PNPLA5: variants seen among roughly 807,000 people sequenced by gnomAD.
PNPLA5 encodes patatin-like phospholipase domain-containing protein 5.
PNPLA5 carries 44 observed loss-of-function variants against 49.1 expected under a neutral mutation model. That is an observed-to-expected ratio of 0.90 (90% CI 0.70 to 1.15). The LOEUF is 1.15. Among genes scored for constraint, PNPLA5 ranks in the 50% most tolerant of loss-of-function variants. PNPLA5 has a pLI of 0.00. For synonymous variants in PNPLA5, 243 were observed against 244.4 expected (o/e 0.99, Z 0.06); for missense variants, 603 against 564.0 (o/e 1.07, Z -0.70).
chr22:43,881,160 G>T (rs555236195), intron 8 of PNPLA5, among the ~76,000 whole-genome samples: 2 of 152,210 alleles, frequency 1.3e-5, no homozygotes, highest in Admixed American at 1.3e-4. Flanking sequence ...AGTCTGGAGG[G>T]CTGGTCAGAG....
Position 43,889,558 on chromosome 22 carries a change from G to T in PNPLA5, c.493-20C>A. 6.3e-7 allele frequency: 1 copy of T among 1,585,050 alleles called. No individual in the cohort carries two copies. The highest frequency in any genetic ancestry group is 8.6e-7 in the Non-Finnish European group (1 of 1,163,804). On this transcript the variant is annotated intron_variant, in intron 3 of 8. Coordinates refer to ENST00000216177, the MANE Select transcript of PNPLA5 (RefSeq NM_138814.4). ...GTAGCGCTGCAATTTGTGGGGAGCA[G>T]GTGGGTGGTGCTGCCCTCTCAGAGG...
chr22:43,880,307 T>A lies in PNPLA5; in HGVS notation c.*488A>T, dbSNP rs2049594802. ...TGATAGGAATTCAGAAGTCAAGGTT[T>A]CCTGAGTGGGGTAGATGCCGGGGGT... On this transcript the variant is annotated 3_prime_UTR_variant, in exon 9 of 9. Transcript: ENST00000216177. The A allele has an allele frequency of 2.5e-6, 1 of 398,008 alleles. No homozygotes were observed. Among genetic ancestry groups the A allele is most frequent in the Non-Finnish European group, 4.4e-6 (1 of 226,046 alleles). The allele number at this position is 398,008 out of a possible 1,614,324, so 24.7% of individuals were successfully genotyped here.
chr22:43,891,729 C>G lies in PNPLA5; in HGVS notation c.152G>C (p.Gly51Ala). ...GARRIYGSSS[G>A]ALNAVSIVCG... ...GACGATGCTGACTGCGTTGAGCGCC[C>G]CAGACGAGGAACCGTAGATGCGGCG... Residue 51 changes from glycine to alanine, a missense_variant, in exon 1 of 9, where the codon GGG becomes GCG. Physicochemically the swap from Gly to Ala is moderately conservative, Grantham distance 60 (BLOSUM62 0). Coordinates refer to ENST00000216177, the MANE Select transcript of PNPLA5 (RefSeq NM_138814.4). The G allele has an allele frequency of 6.5e-7, 1 of 1,547,824 alleles. No individual in the cohort carries two copies. The highest frequency in any genetic ancestry group is 1.4e-5 in the African/African-American group (1 of 72,760).
chr22:43,889,480 A>G lies in PNPLA5; in HGVS notation c.551T>C (p.Ile184Thr). 2 of 1,613,980 alleles carry G rather than the reference A, an allele frequency of 1.2e-6. No individual in the cohort carries two copies. The highest frequency in any genetic ancestry group is 2.2e-5 in the East Asian group (1 of 44,866). ...NLPFADCPST[I>T]TVSPFHGTVD... Reference sequence around the variant, plus strand: ...TGTCCCATGGAAGGGCGACACCGTGATGGTGGAGGGGCAGTCTGCAAAGGG... The same window carrying G: ...TGTCCCATGGAAGGGCGACACCGTGGTGGTGGAGGGGCAGTCTGCAAAGGG... Residue 184 changes from isoleucine to threonine, a missense_variant, in exon 4 of 9, where the codon ATC becomes ACC. Physicochemically the swap from Ile to Thr is moderately conservative, Grantham distance 89 (BLOSUM62 -1). Transcript: ENST00000216177.
intron 2 of PNPLA5, among the ~76,000 whole-genome samples, chr22:43,890,482 A>C (rs1229214037): frequency 6.6e-6 from 1 of 152,178 alleles, no homozygotes; most frequent in African/African-American, 2.4e-5. Context: ...CGTACACACT[A>C]TTGGCAAATA....
Position 43,882,837 on chromosome 22 carries a change from GT to G in PNPLA5, c.1083-1164del, listed in dbSNP as rs1422338422. 2.6e-5 allele frequency among the ~76,000 whole-genome samples: 4 copies of G among 152,302 alleles called. No individual in the cohort carries two copies. The South Asian group carries it at 8.3e-4, about 32-fold the overall frequency. ...ACATTGAGCAGGACAGAGACCTGTG[GT>G]TCACCATCATAGACCTTCTTCCAGA... On this transcript the variant is annotated intron_variant, in intron 7 of 8. Transcript: ENST00000216177.
At chr22:43,890,097 C>G in intron 2 of PNPLA5, 2 of 985,194 alleles carry the variant, frequency 2.0e-6, no homozygotes, top group Non-Finnish European at 2.4e-6. Flanking sequence ...GGGAAGGAGG[C>G]CAGGTGCAGG....
At position 43,886,360 on chromosome 22, in the gene PNPLA5, G is replaced by A. The variant is rs771770435; in HGVS notation, c.892C>T (p.His298Tyr). 29 of 1,614,170 alleles carry A rather than the reference G, an allele frequency of 1.8e-5. No homozygotes were observed. Among genetic ancestry groups the A allele is most frequent in the Non-Finnish European group, 2.5e-5 (29 of 1,180,024 alleles). ...TTGGGTACATCCTTGACTTGCACAT[G>A]GGGCACTTTCCAGTTGAGAGACAGG... ...GGLSLNWKVPHVQVKDVPNFE... is the reference protein window; with the variant it reads ...GGLSLNWKVPYVQVKDVPNFE... Residue 298 changes from histidine (H) to tyrosine (Y), a missense_variant, in exon 6 of 9, where the codon CAT (histidine) becomes TAT (tyrosine). Physicochemically the swap from His to Tyr is moderately conservative, Grantham distance 83 (BLOSUM62 2). Coordinates refer to ENST00000216177, the MANE Select transcript of PNPLA5 (RefSeq NM_138814.4).
chr22:43,890,006 C>G, intron 2 of PNPLA5, 142 bp from the exon 3 acceptor site: 1 of 1,438,048 alleles, frequency 7.0e-7, no homozygotes, highest in Non-Finnish European at 9.2e-7. Flanking sequence ...GAGGCATCAC[C>G]TCCCAGCCAA....
chr22:43,886,464 C>A lies in PNPLA5; in HGVS notation c.788G>T (p.Trp263Leu). 1 of 1,613,646 alleles carries A rather than the reference C, an allele frequency of 6.2e-7. No individual in the cohort carries two copies. The highest frequency in any genetic ancestry group is 8.5e-7 in the Non-Finnish European group (1 of 1,179,788). Reference protein sequence around the residue: ...RRGLTKEPVLWTLVSKEPPAP... With the variant: ...RRGLTKEPVLLTLVSKEPPAP... ...TGGGGGTTCCTTAGACACCAGCGTCCATAGCACTGGTTCCTTGGTGAGTCC... is the reference window on the plus strand; with the variant it reads ...TGGGGGTTCCTTAGACACCAGCGTCAATAGCACTGGTTCCTTGGTGAGTCC... The change falls in exon 6 of 9, where the codon TGG becomes TTG. Residue 263 changes from tryptophan to leucine, a missense_variant. By Grantham distance (61) the Trp-to-Leu change is moderately conservative. Transcript: ENST00000216177.
rs753238467 is a variant in PNPLA5 at position 43,889,542 on chromosome 22, C to A, written c.493-4G>T. On this transcript the variant is annotated splice_region_variant and splice_polypyrimidine_tract_variant and intron_variant, in intron 3 of 8. Coordinates refer to ENST00000216177, the MANE Select transcript of PNPLA5 (RefSeq NM_138814.4). ...TCAGAGCCCCATCGATGTAGCGCTG[C>A]AATTTGTGGGGAGCAGGTGGGTGGT... is the stretch of plus-strand genomic sequence containing the variant. The A allele has an allele frequency of 1.9e-5, 30 of 1,599,106 alleles. No homozygotes were observed. The highest frequency in any genetic ancestry group is 2.4e-5 in the Non-Finnish European group (28 of 1,170,806).
chr22:43,881,728 C>A, intron 7 of PNPLA5, 54 bp from the exon 8 acceptor site: 1 of 1,585,930 alleles, frequency 6.3e-7, no homozygotes, highest in Non-Finnish European at 8.6e-7. Flanking sequence ...TGTGGCCCCA[C>A]CAAGCCCACC....
rs199540129 is a variant in PNPLA5, at chr22:43,881,662, C to A, written c.1095G>T (p.Trp365Cys). The A allele has an allele frequency of 2.5e-6, 4 of 1,613,762 alleles. No homozygotes were observed. Among genetic ancestry groups the A allele is most frequent in the East Asian group, 2.2e-5 (1 of 44,856 alleles). Residue 365 changes from tryptophan to cysteine, a missense_variant, in exon 8 of 9, where the codon TGG (tryptophan) becomes TGT (cysteine). Coordinates refer to ENST00000216177, the MANE Select transcript of PNPLA5 (RefSeq NM_138814.4). ...IYFRSRRLVV[W>C]LPDVPADLWW... Reference sequence around the variant, plus strand: ...ACAAGTCCGCCGGCACATCGGGCAGCCACACCACCAACCTGGAGGAAGGGG... The same window carrying A: ...ACAAGTCCGCCGGCACATCGGGCAGACACACCACCAACCTGGAGGAAGGGG...
At chr22:43,884,412 C>A (rs1049450891) in intron 6 of PNPLA5, 67 bp from the exon 7 acceptor site, 13 of 1,466,762 alleles carry the variant, frequency 8.9e-6, no homozygotes, top group Non-Finnish European at 1.2e-5. Flanking sequence ...TGAGCCCCCC[C>A]ATTTCACACA....
At position 43,889,480 on chromosome 22, in the gene PNPLA5, A is replaced by T; in HGVS notation, c.551T>A (p.Ile184Asn). ...TGTCCCATGGAAGGGCGACACCGTGATGGTGGAGGGGCAGTCTGCAAAGGG... is the reference window on the plus strand; with the variant it reads ...TGTCCCATGGAAGGGCGACACCGTGTTGGTGGAGGGGCAGTCTGCAAAGGG... ...NLPFADCPSTITVSPFHGTVD... is the reference protein window; with the variant it reads ...NLPFADCPSTNTVSPFHGTVD... Residue 184 changes from isoleucine (I) to asparagine (N), a missense_variant, in exon 4 of 9, where the codon ATC (isoleucine) becomes AAC (asparagine). Coordinates refer to ENST00000216177, the MANE Select transcript of PNPLA5 (RefSeq NM_138814.4). 6.2e-7 allele frequency: 1 copy of T among 1,613,980 alleles called. No individual in the cohort carries two copies. The highest frequency in any genetic ancestry group is 8.5e-7 in the Non-Finnish European group (1 of 1,179,964).
At chr22:43,890,524 T>A (rs1165813266) in intron 2 of PNPLA5, among the ~76,000 whole-genome samples, 1 of 152,210 alleles carries the variant, frequency 6.6e-6, no homozygotes, top group African/African-American at 2.4e-5. Flanking sequence ...AGCATCTTTT[T>A]TAGACATCCT....
At chr22:43,889,960 G>C (rs780270502) in intron 2 of PNPLA5, 96 bp from the exon 3 acceptor site, 15 of 1,531,592 alleles carry the variant, frequency 9.8e-6, no homozygotes. Context: ...GCCTGCAAAG[G>C]AGGTGTCATC....
intron 6 of PNPLA5, among the ~76,000 whole-genome samples, chr22:43,885,821 G>A (rs1284997958): frequency 6.6e-6 from 1 of 152,174 alleles, no homozygotes; most frequent in African/African-American, 2.4e-5. Context: ...TCTGTGCTAT[G>A]GTTTCCTCAT....
intron 7 of PNPLA5, chr22:43,881,875 C>A: frequency 3.4e-6 from 2 of 587,488 alleles, no homozygotes; most frequent in Non-Finnish European, 4.3e-6. Flanking sequence ...TGGAAAGATC[C>A]AAAATGGACT....
Sources: gnomAD v4.1 joint callset for allele counts (sites outside exome capture counted in the v4.1 genomes callset) on GRCh38, gnomAD v4.1.1 for gene constraint, MANE v1.5 for transcripts, NCBI Gene and HGNC (gene_info 2026-07-23, HGNC 2026-07-21) for gene names.